The following SPOP variants were observed in gnomAD, a reference collection of about 807,000 sequenced individuals.
SPOP encodes the protein speckle type BTB/POZ protein.
A neutral mutation model predicts 45.6 loss-of-function variants in SPOP; 11 were observed. That is an observed-to-expected ratio of 0.24 (90% confidence interval 0.15 to 0.40). SPOP has a LOEUF of 0.40. Among genes scored for constraint, SPOP ranks in the 10% least tolerant of loss-of-function variants. The probability of loss-of-function intolerance (pLI) is 1.00; values close to 1 mark genes in which losing one functional copy is unlikely to be tolerated. For missense variants in SPOP, 152 were observed against 465.6 expected (o/e 0.33, Z 6.20); for synonymous variants, 166 against 166.3 (o/e 1.00, Z 0.01).
chr17:49,666,282 T>G (rs1433771101), intron 1 of SPOP, among the ~76,000 whole-genome samples: 1 of 151,930 alleles, frequency 6.6e-6, no homozygotes, highest in East Asian at 1.9e-4. Flanking sequence ...ATTTCAGGGT[T>G]ATCTTTATGA....
intron 8 of SPOP, among the ~76,000 whole-genome samples, chr17:49,603,196 G>A (rs990182039): frequency 2.6e-5 from 4 of 152,210 alleles, no homozygotes; most frequent in Admixed American, 6.5e-5. Context: ...GGTTTTATTG[G>A]TTTTGGTGCA....
chr17:49,631,261 A>T (rs2072446373), intron 1 of SPOP, among the ~76,000 whole-genome samples: 1 of 152,256 alleles, frequency 6.6e-6, no homozygotes, highest in Non-Finnish European at 1.5e-5. Flanking sequence ...ACTATGATAC[A>T]GATAATGTAA....
rs1034216945 is a variant in SPOP at position 49,678,018 on chromosome 17, C to A, written c.-152G>T. ...CAACATCCGGGACCTGCGGGACCGC[C>A]GATACACAAATACACACACACTCGG... On this transcript the variant is annotated 5_prime_UTR_variant, in exon 1 of 10. Coordinates refer to ENST00000504102, the MANE Select transcript of SPOP (RefSeq NM_001007228.2). 14 of 399,334 alleles carry A rather than the reference C, an allele frequency of 3.5e-5. No individual in the cohort carries two copies. Among genetic ancestry groups the A allele is most frequent in the Non-Finnish European group, 5.3e-5 (12 of 226,580 alleles). 24.7% of individuals were successfully genotyped at this position (399,334 alleles called of 1,614,324 possible).
At chr17:49,643,429 C>G (rs181373217) in intron 1 of SPOP, among the ~76,000 whole-genome samples, 1 of 152,294 alleles carries the variant, frequency 6.6e-6, no homozygotes, top group African/African-American at 2.4e-5. Flanking sequence ...AACATATGGT[C>G]CTTGAACAAA....
Position 49,600,177 on chromosome 17 carries a change from A to G in SPOP, c.*201T>C. Reference sequence around the variant, plus strand: ...AAAGGGAACACAGTGACGCAGCAACAGGGTTTTCATTTCATTTTCCCTCCC... The same window carrying G: ...AAAGGGAACACAGTGACGCAGCAACGGGGTTTTCATTTCATTTTCCCTCCC... On this transcript the variant is annotated 3_prime_UTR_variant, in exon 10 of 10. Transcript: ENST00000504102. The surrounding 1 kb of genome is among the most constrained non-coding windows in gnomAD (Gnocchi z 4.2). The G allele has an allele frequency of 1.4e-6, 1 of 706,164 alleles. No homozygotes were observed. The highest frequency in any genetic ancestry group is 2.4e-6 in the Non-Finnish European group (1 of 418,148). 43.7% of individuals were successfully genotyped at this position (706,164 alleles called of 1,614,324 possible). A position where few individuals can be genotyped will look rare whatever the true frequency, so the allele number is the denominator to read the frequency against.
intron 1 of SPOP, among the ~76,000 whole-genome samples, chr17:49,672,711 C>T (rs1386644729): frequency 6.6e-6 from 1 of 152,090 alleles, no homozygotes; most frequent in Non-Finnish European, 1.5e-5. Context: ...CTTTGGGAGG[C>T]CGACGCAGGC....
chr17:49,675,478 G>C (rs1004294771), intron 1 of SPOP, among the ~76,000 whole-genome samples: 1 of 152,204 alleles, frequency 6.6e-6, no homozygotes, highest in African/African-American at 2.4e-5. Flanking sequence ...CAAGACTGTT[G>C]CCTTTGGGAA....
At chr17:49,622,140 A>G in intron 2 of SPOP, 73 bp from the exon 3 acceptor site, 1 of 1,558,398 alleles carries the variant, frequency 6.4e-7, no homozygotes, top group Non-Finnish European at 8.8e-7. Flanking sequence ...AGGGCAGATT[A>G]TCATTTCCCC....
intron 5 of SPOP, among the ~76,000 whole-genome samples, chr17:49,615,268 T>C (rs1033564054): frequency 6.6e-6 from 1 of 152,228 alleles, no homozygotes; most frequent in Admixed American, 6.5e-5. Context: ...ATTTCATCTT[T>C]AGTTACAACA....
intron 1 of SPOP, among the ~76,000 whole-genome samples, chr17:49,663,679 G>A (rs752724356): frequency 2.6e-5 from 4 of 152,212 alleles, no homozygotes; most frequent in Non-Finnish European, 5.9e-5. Flanking sequence ...TTGTGACTCT[G>A]AGTTGTGAGT....
chr17:49,660,740 G>A (rs8079577), intron 1 of SPOP, among the ~76,000 whole-genome samples: 39,845 of 151,990 alleles, frequency 0.26, 5,267 homozygotes, highest in East Asian at 0.33. Flanking sequence ...CGAGACAGGC[G>A]GATCACGAGG....
At chr17:49,627,815 CCTT>C (rs1166000834) in intron 1 of SPOP, among the ~76,000 whole-genome samples, 1 of 152,016 alleles carries the variant, frequency 6.6e-6, no homozygotes, top group Non-Finnish European at 1.5e-5. Context: ...ACATCTTTTC[CCTT>C]CTTCTAATTT....
intron 1 of SPOP, among the ~76,000 whole-genome samples, chr17:49,650,620 C>T (rs1469862578): frequency 6.6e-6 from 1 of 152,020 alleles, no homozygotes; most frequent in Non-Finnish European, 1.5e-5. Context: ...AGTAGAAAAA[C>T]AAAAAGTAGA....
chr17:49,603,371 C>T (rs2071775630), intron 8 of SPOP, among the ~76,000 whole-genome samples: 1 of 152,194 alleles, frequency 6.6e-6, no homozygotes, highest in Admixed American at 6.5e-5. Flanking sequence ...TTTCTCAATA[C>T]ATTCTTTTAA....
At position 49,607,378 on chromosome 17, in the gene SPOP, C is replaced by A. The variant is rs2143157571; in HGVS notation, c.715-6G>T. The A allele has an allele frequency of 6.2e-7, 1 of 1,610,180 alleles. No homozygotes were observed. Among genetic ancestry groups the A allele is most frequent in the Non-Finnish European group, 8.5e-7 (1 of 1,178,174 alleles). ...TCATTGATTTCAACTCGATTCTATG[C>A]CAGAAAAACTGAATATGAGAAACAT... On this transcript the variant is annotated splice_polypyrimidine_tract_variant and splice_region_variant and intron_variant, in intron 7 of 9. Coordinates refer to ENST00000504102, the MANE Select transcript of SPOP (RefSeq NM_001007228.2).
In SPOP at chr17:49,600,598, A is replaced by G; in HGVS notation, c.981-76T>C. 1 of 1,533,994 alleles carries G rather than the reference A, an allele frequency of 6.5e-7. No homozygotes were observed. Among genetic ancestry groups the G allele is most frequent in the Non-Finnish European group, 9.0e-7 (1 of 1,113,488 alleles). On this transcript the variant is annotated intron_variant, in intron 9 of 9. Transcript: ENST00000504102. The surrounding 1 kb of genome is among the most constrained non-coding windows in gnomAD (Gnocchi z 4.2). ...AATTCAACAGCCACCTAGATAGCCT[A>G]ATTTTCCACTGTTAGGTATAAAGGG... is the stretch of plus-strand genomic sequence containing the variant.
chr17:49,618,455 G>A (rs1236027445), intron 5 of SPOP: 2 of 432,276 alleles, frequency 4.6e-6, no homozygotes, highest in East Asian at 1.4e-4. Context: ...CTAACTGTGA[G>A]TTAGAGAGCT....
chr17:49,629,926 G>GT lies in SPOP; in HGVS notation c.-66-7051dup, dbSNP rs529683632. ...TATTAGATTGAATCATGAAACTGTT[G>GT]TTTTATATGACAAAAATAGTTGAAT... On this transcript the variant is annotated intron_variant, in intron 1 of 9. Coordinates refer to ENST00000504102, the MANE Select transcript of SPOP (RefSeq NM_001007228.2). Among the ~76,000 whole-genome samples, 14 of 152,260 alleles carry GT rather than the reference G, an allele frequency of 9.2e-5. No individual in the cohort carries two copies. In the South Asian group the frequency reaches 2.7e-3, roughly 29 times the overall value.
intron 1 of SPOP, among the ~76,000 whole-genome samples, chr17:49,673,450 G>A (rs1431701302): frequency 1.3e-5 from 2 of 152,020 alleles, no homozygotes; most frequent in Admixed American, 6.6e-5. Flanking sequence ...AGCTTGCAGT[G>A]AGCCAAGATC....
Sources: allele counts gnomAD v4.1 joint callset (sites outside exome capture counted in the v4.1 genomes callset), GRCh38; gene constraint gnomAD v4.1.1; non-coding constraint Gnocchi (gnomAD v3.1); transcripts MANE v1.5; gene names NCBI Gene and HGNC (gene_info 2026-07-23, HGNC 2026-07-21).